Variants in DNAAF10 observed in about 807,000 individuals in gnomAD.
DNAAF10 encodes the protein dynein axonemal assembly factor 10.
DNAAF10 carries 28 observed loss-of-function variants against 43.7 expected under a neutral mutation model. That is an observed-to-expected ratio of 0.64 (90% CI 0.48 to 0.88). DNAAF10 has a LOEUF of 0.88. Among genes scored for constraint, DNAAF10 ranks in the 40% least tolerant of loss-of-function variants. The pLI is 0.00. For synonymous variants in DNAAF10, 156 were observed against 157.3 expected (o/e 0.99, Z 0.06); for missense variants, 403 against 439.1 (o/e 0.92, Z 0.73).
intron 2 of DNAAF10, among the ~76,000 whole-genome samples, chr2:68,147,131 T>C (rs1289076829): frequency 2.0e-5 from 3 of 152,190 alleles, no homozygotes; most frequent in African/African-American, 4.8e-5. Flanking sequence ...GTGTTATTCA[T>C]ATGCATTTTT....
intron 1 of DNAAF10, among the ~76,000 whole-genome samples, chr2:68,150,852 A>C (rs1673440557): frequency 6.6e-6 from 1 of 152,238 alleles, no homozygotes; most frequent in Non-Finnish European, 1.5e-5. Flanking sequence ...ATCTATCTCT[A>C]TATATAGTCA....
At position 68,157,203 on chromosome 2, in the gene DNAAF10, G is replaced by A. The variant is rs889128989; in HGVS notation, c.183+58C>T. On this transcript the variant is annotated intron_variant, in intron 1 of 7. Coordinates refer to ENST00000295121, the MANE Select transcript of DNAAF10 (RefSeq NM_138458.4). ...GAAGGCTCTGGCAAAGAGGAATGCA[G>A]ACCCCAGGATCCGCACTCGCCCCCA... The A allele has an allele frequency of 2.6e-6, 4 of 1,555,380 alleles. No individual in the cohort carries two copies. In the African/African-American group the frequency reaches 5.4e-5, roughly 21 times the overall value.
intron 6 of DNAAF10, 131 bp from the exon 7 acceptor site, chr2:68,134,930 A>G (rs1673004783): frequency 2.0e-6 from 2 of 995,130 alleles, no homozygotes; most frequent in Non-Finnish European, 1.5e-6. Flanking sequence ...ATTTTCTGGC[A>G]CATCTCTTTA....
chr2:68,141,565 G>A, intron 4 of DNAAF10, 129 bp downstream of exon 4: 1 of 800,156 alleles, frequency 1.2e-6, no homozygotes, highest in Non-Finnish European at 1.9e-6. Flanking sequence ...ACCACCACGT[G>A]TATTTGCCTC....
chr2:68,147,377 A>G (rs1005802926), intron 2 of DNAAF10, 90 bp downstream of exon 2: 29 of 967,982 alleles, frequency 3.0e-5, no homozygotes, highest in Non-Finnish European at 3.9e-5. Context: ...AGATTTTAAA[A>G]TTAAAATTCT....
At chr2:68,152,732 A>G (rs1395829511) in intron 1 of DNAAF10, among the ~76,000 whole-genome samples, 1 of 152,240 alleles carries the variant, frequency 6.6e-6, no homozygotes, top group East Asian at 1.9e-4. Context: ...AATGATGGTC[A>G]TAATTGACCT....
In DNAAF10 at chr2:68,131,399, T is replaced by C. The variant is rs1297495606; in HGVS notation, c.913A>G (p.Met305Val). The C allele has an allele frequency of 6.2e-7, 1 of 1,614,060 alleles. No individual in the cohort carries two copies. Among genetic ancestry groups the C allele is most frequent in the African/African-American group, 1.3e-5 (1 of 74,908 alleles). The change falls in exon 8 of 8, where the codon ATG (methionine) becomes GTG (valine). Residue 305 changes from methionine (M) to valine (V), a missense_variant. Met to Val is a conservative substitution (Grantham distance 21). Transcript: ENST00000295121. ...AGGCTTACAGAACCTGCGACTCCCATTTCTATTCCCTCAGAATCTTTCTTT... is the reference window on the plus strand; with the variant it reads ...AGGCTTACAGAACCTGCGACTCCCACTTCTATTCCCTCAGAATCTTTCTTT... The part of the protein sequence containing the change: ...RSKKDSEGIE[M>V]GVAGSVSLLQ...
chr2:68,149,742 C>T (rs550499830), intron 1 of DNAAF10, among the ~76,000 whole-genome samples: 12 of 152,160 alleles, frequency 7.9e-5, no homozygotes, highest in African/African-American at 2.7e-4. Context: ...TGAGTTCCAA[C>T]CTATGCCAAC....
intron 3 of DNAAF10, among the ~76,000 whole-genome samples, chr2:68,142,950 G>A (rs181381065): frequency 5.5e-4 from 83 of 152,168 alleles, no homozygotes; most frequent in Non-Finnish European, 8.8e-4. Context: ...GCAGTCGTGC[G>A]ATCATGGTTC....
intron 1 of DNAAF10, among the ~76,000 whole-genome samples, chr2:68,149,080 T>C (rs1369498729): frequency 6.6e-6 from 1 of 152,244 alleles, no homozygotes; most frequent in Non-Finnish European, 1.5e-5. Flanking sequence ...TTTCAAATAA[T>C]TTTAAAAATA....
intron 4 of DNAAF10, among the ~76,000 whole-genome samples, chr2:68,139,758 C>T (rs747607939): frequency 5.3e-5 from 8 of 150,910 alleles, no homozygotes; most frequent in African/African-American, 1.7e-4. Flanking sequence ...GAACCAAGAT[C>T]GCGCCAATGC....
chr2:68,147,409 G>T, intron 2 of DNAAF10, 58 bp downstream of exon 2: 1 of 1,267,972 alleles, frequency 7.9e-7, no homozygotes. Context: ...AAAGAGTAAT[G>T]AAACTATCAA....
intron 2 of DNAAF10, among the ~76,000 whole-genome samples, chr2:68,147,209 A>G (rs1391561615): frequency 6.6e-6 from 1 of 152,206 alleles, no homozygotes; most frequent in Non-Finnish European, 1.5e-5. Flanking sequence ...ATTAAATGCT[A>G]GCACCAAACT....
rs754664999 is a variant in DNAAF10, at chr2:68,131,311, C to T, written c.1001G>A (p.Arg334Lys). The T allele has an allele frequency of 6.2e-7, 1 of 1,613,984 alleles. No individual in the cohort carries two copies. The highest frequency in any genetic ancestry group is 1.3e-5 in the African/African-American group (1 of 74,894). Residue 334 changes from arginine to lysine, a missense_variant, in exon 8 of 8, where the codon AGG becomes AAG. By Grantham distance (26) the Arg-to-Lys change is conservative. Transcript: ENST00000295121. ...ISSLDWSPDK[R>K]GLCVCSSFDQ... The stretch of plus-strand genomic sequence containing the variant: ...AAATGAACTACAGACGCAGAGACCC[C>T]TTTTATCTGGACTCCAATCCAAACT...
In DNAAF10 at chr2:68,157,466, G is replaced by T. The variant is rs771728104; in HGVS notation, c.-23C>A. On this transcript the variant is annotated 5_prime_UTR_variant, in exon 1 of 8. Coordinates refer to ENST00000295121, the MANE Select transcript of DNAAF10 (RefSeq NM_138458.4). ...CATGGTGCAGCCAATTTCAGCTACG[G>T]CAACCGCCACACCCAGAGCCCCCAA... 2 of 1,613,288 alleles carry T rather than the reference G, an allele frequency of 1.2e-6. No homozygotes were observed. Among genetic ancestry groups the T allele is most frequent in the African/African-American group, 2.7e-5 (2 of 74,890 alleles).
intron 3 of DNAAF10, among the ~76,000 whole-genome samples, chr2:68,144,331 ATT>A (rs1318919698): frequency 6.6e-6 from 1 of 152,228 alleles, no homozygotes; most frequent in Non-Finnish European, 1.5e-5. Context: ...GGAAACCATC[ATT>A]GTTAGTAGCT....
Position 68,153,165 on chromosome 2 carries a change from C to A in DNAAF10, c.183+4096G>T, listed in dbSNP as rs377307972. Among the ~76,000 whole-genome samples, 4 of 152,088 alleles carry A rather than the reference C, an allele frequency of 2.6e-5. No homozygotes were observed. In the East Asian group the frequency reaches 7.7e-4, roughly 29 times the overall value. On this transcript the variant is annotated intron_variant, in intron 1 of 7. Transcript: ENST00000295121. ...TCCCACTTGAGCACTCAGCCAGACA[C>A]CTTTGTGTGGTGCAAAAAACTGCTC... is the stretch of plus-strand genomic sequence containing the variant.
intron 1 of DNAAF10, among the ~76,000 whole-genome samples, chr2:68,151,084 C>G (rs1022397629): frequency 8.5e-5 from 13 of 152,192 alleles, no homozygotes; most frequent in Admixed American, 6.5e-5. Context: ...AAAAGTATGT[C>G]TTTATTACAA....
intron 7 of DNAAF10, chr2:68,131,659 T>C (rs1315652344): frequency 7.7e-6 from 4 of 521,314 alleles, no homozygotes; most frequent in African/African-American, 5.7e-5. Flanking sequence ...TTATTAGTTC[T>C]ACTAAAAACT....
Sources: gnomAD v4.1 joint callset for allele counts (sites outside exome capture counted in the v4.1 genomes callset) on GRCh38, gnomAD v4.1.1 for gene constraint, MANE v1.5 for transcripts, NCBI Gene and HGNC (gene_info 2026-07-23, HGNC 2026-07-21) for gene names.